Variants in MACROD2 observed in about 807,000 individuals in gnomAD.
The protein encoded by MACROD2 is mono-ADP ribosylhydrolase 2.
A neutral mutation model predicts 70.4 loss-of-function variants in MACROD2; 36 were observed. That is an observed-to-expected ratio of 0.51 (90% CI 0.39 to 0.68). MACROD2 has a LOEUF of 0.68. MACROD2 is among the 30% of genes least tolerant of loss of function. MACROD2 has a pLI of 0.00. For missense variants in MACROD2, 496 were observed against 538.4 expected (o/e 0.92, Z 0.78); for synonymous variants, 172 against 178.8 (o/e 0.96, Z 0.30).
intron 3 of MACROD2, among the ~76,000 whole-genome samples, chr20:14,123,506 C>T (rs2054609688): frequency 6.6e-6 from 1 of 152,048 alleles, no homozygotes; most frequent in South Asian, 2.1e-4. Flanking sequence ...TCACCTAGGC[C>T]CTTTGAAGAA....
chr20:14,845,884 A>G (rs1173603667), intron 5 of MACROD2, among the ~76,000 whole-genome samples: 1 of 152,050 alleles, frequency 6.6e-6, no homozygotes, highest in Non-Finnish European at 1.5e-5. Flanking sequence ...ATTTTTTAGG[A>G]ATAATAATAA....
At chr20:15,096,144 GGC>G (rs1295991088) in intron 5 of MACROD2, among the ~76,000 whole-genome samples, 8 of 152,016 alleles carry the variant, frequency 5.3e-5, no homozygotes, top group Non-Finnish European at 7.4e-5. Flanking sequence ...AAAGACACTA[GGC>G]CACGAATAAT....
At chr20:14,399,628 C>T (rs1394466543) in intron 3 of MACROD2, among the ~76,000 whole-genome samples, 1 of 152,004 alleles carries the variant, frequency 6.6e-6, no homozygotes, top group Non-Finnish European at 1.5e-5. Flanking sequence ...GAACATTTTT[C>T]TCTGTTGTTT....
chr20:14,994,576 G>A (rs1410780502), intron 5 of MACROD2, among the ~76,000 whole-genome samples: 1 of 151,958 alleles, frequency 6.6e-6, no homozygotes, highest in African/African-American at 2.4e-5. Flanking sequence ...GCAACAAAGT[G>A]AGATCCCATC....
intron 3 of MACROD2, among the ~76,000 whole-genome samples, chr20:14,174,834 C>A (rs975683137): frequency 2.0e-5 from 3 of 152,184 alleles, no homozygotes; most frequent in African/African-American, 7.2e-5. Flanking sequence ...CCCTGGGGAC[C>A]AAGAGTGCCC....
chr20:14,800,312 A>T (rs999932694), intron 5 of MACROD2, among the ~76,000 whole-genome samples: 1 of 152,094 alleles, frequency 6.6e-6, no homozygotes, highest in Non-Finnish European at 1.5e-5. Flanking sequence ...GTGCCCCTCA[A>T]ATTCCAATTA....
At chr20:15,242,855 G>T (rs1396903151) in intron 6 of MACROD2, among the ~76,000 whole-genome samples, 1 of 152,150 alleles carries the variant, frequency 6.6e-6, no homozygotes, top group African/African-American at 2.4e-5. Context: ...TGGGATGGAG[G>T]TTAATGTGCA....
At chr20:15,749,073 A>G (rs1349540987) in intron 8 of MACROD2, among the ~76,000 whole-genome samples, 1 of 152,156 alleles carries the variant, frequency 6.6e-6, no homozygotes, top group East Asian at 1.9e-4. Flanking sequence ...TCATGTCTCC[A>G]TGACATTTTT....
chr20:14,544,712 G>GA (rs1240691409), intron 4 of MACROD2, among the ~76,000 whole-genome samples: 2 of 152,068 alleles, frequency 1.3e-5, no homozygotes, highest in African/African-American at 4.8e-5. Context: ...GGCAGAGAAG[G>GA]AAAAAAGCCA....
chr20:15,013,166 A>C (rs2075096274), intron 5 of MACROD2, among the ~76,000 whole-genome samples: 1 of 151,984 alleles, frequency 6.6e-6, no homozygotes, highest in Non-Finnish European at 1.5e-5. Context: ...AGAGCATTGC[A>C]TTCCCTCCTG....
At chr20:14,823,549 CA>C (rs969133443) in intron 5 of MACROD2, among the ~76,000 whole-genome samples, 1 of 152,030 alleles carries the variant, frequency 6.6e-6, no homozygotes, top group Non-Finnish European at 1.5e-5. Flanking sequence ...GCTAGATTAC[CA>C]GCCATCGCAT....
intron 5 of MACROD2, among the ~76,000 whole-genome samples, chr20:14,708,806 G>C (rs1429907930): frequency 6.6e-6 from 1 of 152,104 alleles, no homozygotes; most frequent in African/African-American, 2.4e-5. Context: ...TTTTAGTAGA[G>C]ACGGTGTTTC....
At chr20:15,984,089 T>A (rs1452574678) in intron 13 of MACROD2, among the ~76,000 whole-genome samples, 1 of 151,188 alleles carries the variant, frequency 6.6e-6, no homozygotes, top group Non-Finnish European at 1.5e-5. Context: ...TTTTTTATGT[T>A]TGACCATAAG....
At chr20:14,095,498 G>T (rs2054211111) in intron 3 of MACROD2, among the ~76,000 whole-genome samples, 1 of 152,148 alleles carries the variant, frequency 6.6e-6, no homozygotes, top group African/African-American at 2.4e-5. Context: ...CATAGCCACG[G>T]AGAGGTTAAG....
intron 8 of MACROD2, among the ~76,000 whole-genome samples, chr20:15,631,265 C>G (rs570277249): frequency 1.3e-5 from 2 of 152,328 alleles, no homozygotes; most frequent in South Asian, 4.1e-4. Context: ...TTCAGTAAAA[C>G]ATGCCCATCT....
At chr20:14,574,118 C>T (rs1160534437) in intron 4 of MACROD2, among the ~76,000 whole-genome samples, 3 of 152,136 alleles carry the variant, frequency 2.0e-5, no homozygotes, top group Non-Finnish European at 4.4e-5. Context: ...GAGACAGTGC[C>T]GTTTCTCCAT....
intron 3 of MACROD2, among the ~76,000 whole-genome samples, chr20:14,218,126 C>T (rs1396579231): frequency 1.3e-5 from 2 of 151,998 alleles, no homozygotes; most frequent in East Asian, 1.9e-4. Flanking sequence ...TTGAAGTCCC[C>T]CAATATTATT....
chr20:14,462,677 G>T (rs1568623124), intron 3 of MACROD2, among the ~76,000 whole-genome samples: 2 of 152,002 alleles, frequency 1.3e-5, no homozygotes, highest in Admixed American at 6.6e-5. Flanking sequence ...GATCTAACAT[G>T]TAAGTCTTTA....
intron 3 of MACROD2, among the ~76,000 whole-genome samples, chr20:14,317,402 G>A (rs892090302): frequency 1.6e-4 from 24 of 151,966 alleles, no homozygotes; most frequent in Admixed American, 1.5e-3. Flanking sequence ...GGTGGATCAC[G>A]AGGTCAAGAG....
Sources: allele counts gnomAD v4.1 joint callset (sites outside exome capture counted in the v4.1 genomes callset), GRCh38; gene constraint gnomAD v4.1.1; transcripts MANE v1.5; gene names NCBI Gene and HGNC (gene_info 2026-07-23, HGNC 2026-07-21).